Variants in MUC4 observed in about 807,000 individuals in gnomAD.
The protein encoded by MUC4 is mucin-4.
A neutral mutation model predicts 257.9 loss-of-function variants in MUC4; 202 were observed. That is an observed-to-expected ratio of 0.78 (90% CI 0.70 to 0.88). The LOEUF (loss-of-function observed/expected upper bound fraction) is 0.88. MUC4 is among the 40% of genes least tolerant of loss of function. The pLI is 0.00. For synonymous variants in MUC4, 2,351 were observed against 2,757.1 expected (o/e 0.85, Z 4.62); for missense variants, 5,976 against 6,513.7 (o/e 0.92, Z 2.84).
Position 195,791,197 on chromosome 3 carries a change from G to T in MUC4, c.383C>A (p.Thr128Asn), listed in dbSNP as rs770731161. 1 of 1,613,464 alleles carries T rather than the reference G, an allele frequency of 6.2e-7. No homozygotes were observed. The highest frequency in any genetic ancestry group is 8.5e-7 in the Non-Finnish European group (1 of 1,179,622). ...EMTTSFPSSV[T>N]NTLMMTSKTI... is the part of the protein sequence containing the mutation. ...CTTTGATGTCATCATGAGTGTGTTG[G>T]TGACACTGGAGGGAAATGATGTGGT... The change falls in exon 2 of 25, where the codon ACC becomes AAC. Residue 128 changes from threonine (T) to asparagine (N), a missense_variant. Transcript: ENST00000463781.
chr3:195,789,024 G>A lies in MUC4; in HGVS notation c.2556C>T (p.Ala852=). 1.9e-6 allele frequency: 3 copies of A among 1,613,868 alleles called. No homozygotes were observed. Among genetic ancestry groups the A allele is most frequent in the South Asian group, 1.1e-5 (1 of 91,080 alleles). Residue 852 remains alanine (A), a synonymous_variant, in exon 2 of 25, where the codon GCC becomes GCT. Transcript: ENST00000463781. ...QSTTELLSAS[A]SHGAIPVSTG... Reference sequence around the variant, plus strand: ...TGCTTACTGGGATGGCACCATGACTGGCTGAGGCGGACAGCAATTCGGTTG... The same window carrying A: ...TGCTTACTGGGATGGCACCATGACTAGCTGAGGCGGACAGCAATTCGGTTG...
chr3:195,767,603 T>C (rs868034173), intron 7 of MUC4, among the ~76,000 whole-genome samples: 80 of 42,394 alleles, frequency 1.9e-3, no homozygotes, highest in African/African-American at 2.7e-3. Flanking sequence ...ACCACCATCA[T>C]CACCATTGCC....
chr3:195,789,817 T>C lies in MUC4; in HGVS notation c.1763A>G (p.Gln588Arg), dbSNP rs1733631073. ...LLSSPSYSVT[Q>R]MIKTATSPSS... is the part of the protein sequence containing the mutation. ...TGGGGATGTGGCCGTTTTTATCATC[T>C]GAGTCACACTGTAGCTTGGGCTGCT... The change falls in exon 2 of 25, where the codon CAG becomes CGG. Residue 588 changes from glutamine to arginine, a missense_variant. Physicochemically the swap from Gln to Arg is conservative, Grantham distance 43. Transcript: ENST00000463781. 1 of 1,613,326 alleles carries C rather than the reference T, an allele frequency of 6.2e-7. No individual in the cohort carries two copies. The highest frequency in any genetic ancestry group is 1.1e-5 in the South Asian group (1 of 90,990).
Position 195,757,026 on chromosome 3 carries a change from C to G in MUC4, c.15168+121G>C. On this transcript the variant is annotated intron_variant, in intron 18 of 24. Coordinates refer to ENST00000463781, the MANE Select transcript of MUC4 (RefSeq NM_018406.7). This position sits in a 1 kb window ranked among gnomAD's most constrained non-coding sequence, Gnocchi z 4.8. ...ACTGGAATCTGCTCTACTCACCTAC[C>G]ACTGCTCCACCCATCTCCCAACACA... is the stretch of plus-strand genomic sequence containing the variant. 9.9e-7 allele frequency: 1 copy of G among 1,014,658 alleles called. No individual in the cohort carries two copies. Among genetic ancestry groups the G allele is most frequent in the Admixed American group, 2.3e-5 (1 of 43,684 alleles). 62.9% of individuals were successfully genotyped at this position (1,014,658 alleles called of 1,614,324 possible). A position where few individuals can be genotyped will look rare whatever the true frequency, so the allele number is the denominator to read the frequency against.
chr3:195,789,762 T>C lies in MUC4; in HGVS notation c.1818A>G (p.Thr606=). 6.2e-7 allele frequency: 1 copy of C among 1,613,996 alleles called. No individual in the cohort carries two copies. The change falls in exon 2 of 25, where the codon ACA becomes ACG. Residue 606 remains threonine (T), a synonymous_variant. Coordinates refer to ENST00000463781, the MANE Select transcript of MUC4 (RefSeq NM_018406.7). ...PSSSPMLDRH[T]SQQITTAPST... is the part of the protein sequence containing the mutation. ...ATGGTGCCGTTGTAATTTGTTGGGA[T>C]GTGTGTCTATCCAGCATAGGTGAAG...
In MUC4 at chr3:195,747,195, G is replaced by A. The variant is rs1378916430; in HGVS notation, c.16220C>T (p.Ser5407Leu). The A allele has an allele frequency of 6.2e-7, 1 of 1,614,156 alleles. No homozygotes were observed. The highest frequency in any genetic ancestry group is 8.5e-7 in the Non-Finnish European group (1 of 1,180,056). Reference protein sequence around the residue: ...SGARFSYFLNSAEALP With the variant: ...SGARFSYFLNLAEALP ...GCCCCTTCAAGGCAAGGCCTCAGCT[G>A]AGTTCAGGAAATAGGAGAACCTGGC... Residue 5407 changes from serine (S) to leucine (L), a missense_variant, in exon 25 of 25, where the codon TCA (serine) becomes TTA (leucine). Transcript: ENST00000463781.
At chr3:195,807,867 C>T (rs1243503940) in intron 1 of MUC4, among the ~76,000 whole-genome samples, 3 of 152,240 alleles carry the variant, frequency 2.0e-5, no homozygotes, top group Admixed American at 1.3e-4. Flanking sequence ...AAATCACTTG[C>T]GTGTCAAGCA....
Position 195,750,696 on chromosome 3 carries a change from C to T in MUC4, c.15871+193G>A, listed in dbSNP as rs572753397. 6.3e-3 allele frequency: 3,900 copies of T among 614,860 alleles called. 117 individuals are homozygous for T. The African/African-American group carries it at 0.065, about 10-fold the overall frequency. 38.1% of individuals were successfully genotyped at this position (614,860 alleles called of 1,614,324 possible). A position where few individuals can be genotyped will look rare whatever the true frequency, so the allele number is the denominator to read the frequency against. On this transcript the variant is annotated intron_variant, in intron 23 of 24. Transcript: ENST00000463781. ...GGTGCTTGCTCCGTGAAGCTGTATA[C>T]GTGTGACTGCCTCAGCAGTGCTGGC...
intron 1 of MUC4, among the ~76,000 whole-genome samples, chr3:195,804,663 G>A (rs1044914516): frequency 2.0e-5 from 3 of 152,262 alleles, no homozygotes; most frequent in South Asian, 4.1e-4. Flanking sequence ...GCCTCGGGCA[G>A]GGCAGTGTAA....
Position 195,786,370 on chromosome 3 carries a change from G to C in MUC4, c.5210C>G (p.Ala1737Gly). 6.6e-7 allele frequency: 1 copy of C among 1,522,134 alleles called. No homozygotes were observed. Among genetic ancestry groups the C allele is most frequent in the Non-Finnish European group, 8.9e-7 (1 of 1,129,086 alleles). The allele number at this position is 1,522,134 out of a possible 1,614,324, so 94.3% of individuals were successfully genotyped here. ...TPLPVTSPSS[A>G]STGHASPLLV... Reference sequence around the variant, plus strand: ...AAGAGGGCTGGCGTGACCTGTGGATGCTGAGGAAGGGCTAGTGACAGGAAG... The same window carrying C: ...AAGAGGGCTGGCGTGACCTGTGGATCCTGAGGAAGGGCTAGTGACAGGAAG... Residue 1737 changes from alanine (A) to glycine (G), a missense_variant, in exon 2 of 25, where the codon GCA (alanine) becomes GGA (glycine). Coordinates refer to ENST00000463781, the MANE Select transcript of MUC4 (RefSeq NM_018406.7).
rs200929723 is a variant in MUC4, at chr3:195,789,240, C to T, written c.2340G>A (p.Glu780=). The change falls in exon 2 of 25, where the codon GAG becomes GAA. Residue 780 remains glutamate (E), a synonymous_variant. Transcript: ENST00000463781. The stretch of plus-strand genomic sequence containing the variant: ...CGCTGGTCTGTGTTTGTCCAGAGGC[C>T]TCTGTGCTCTCAGCCTGGTGGGTAT... ...MTHTHQAEST[E]ASGQTQTSEP... 1.7e-4 allele frequency: 279 copies of T among 1,613,756 alleles called. No individual in the cohort carries two copies. Among genetic ancestry groups the T allele is most frequent in the Non-Finnish European group, 8.7e-5 (103 of 1,179,856 alleles).
intron 3 of MUC4, among the ~76,000 whole-genome samples, chr3:195,775,964 C>A (rs1424497236): frequency 1.7e-4 from 5 of 29,662 alleles, no homozygotes; most frequent in African/African-American, 9.3e-4. Flanking sequence ...ACCTTCCACA[C>A]CCATACCTTC....
chr3:195,790,285 TC>T lies in MUC4; in HGVS notation c.1294del (p.Asp432ThrfsTer108). 6.2e-7 allele frequency: 1 copy of T among 1,613,998 alleles called. No individual in the cohort carries two copies. The highest frequency in any genetic ancestry group is 8.5e-7 in the Non-Finnish European group (1 of 1,179,884). ...GGGGGAGAGTGCTGTTGACAGAGTGTCTGACCACCATATGGTTGAAACTTTG... is the reference window on the plus strand; with the variant it reads ...GGGGGAGAGTGCTGTTGACAGAGTGTTGACCACCATATGGTTGAAACTTTG... The part of the protein sequence containing the change: ...TSKVSTIWWS[D>X]TLSTALSPSS... On this transcript the variant is annotated frameshift_variant, in exon 2 of 25. Coordinates refer to ENST00000463781, the MANE Select transcript of MUC4 (RefSeq NM_018406.7). LOFTEE classifies it high-confidence loss of function.
At position 195,762,196 on chromosome 3, in the gene MUC4, C is replaced by T. The variant is rs2246980; in HGVS notation, c.14403G>A (p.Ser4801=). Reference sequence around the variant, plus strand: ...CGGTGGCCCAGCCGTCGAAGCTGGCCGAGACCTCAGAGCCGTTGCGGCTCA... The same window carrying T: ...CGGTGGCCCAGCCGTCGAAGCTGGCTGAGACCTCAGAGCCGTTGCGGCTCA... The part of the protein sequence containing the change: ...VLLSRNGSEV[S]ASFDGWATVS... Residue 4801 remains serine (S), a synonymous_variant, in exon 14 of 25, where the codon TCG becomes TCA. Transcript: ENST00000463781. The T allele has an allele frequency of 2.6e-4, 409 of 1,599,432 alleles. No homozygotes were observed. The highest frequency in any genetic ancestry group is 3.4e-4 in the Non-Finnish European group (402 of 1,173,310).
In MUC4 at chr3:195,780,447, G is replaced by A. The variant is rs772491629; in HGVS notation, c.11133C>T (p.Thr3711=). The A allele has an allele frequency of 6.5e-7, 1 of 1,532,970 alleles. No homozygotes were observed. Among genetic ancestry groups the A allele is most frequent in the Non-Finnish European group, 8.8e-7 (1 of 1,142,412 alleles). The allele number at this position is 1,532,970 out of a possible 1,614,324, so 95.0% of individuals were successfully genotyped here. Residue 3711 remains threonine, a synonymous_variant, in exon 2 of 25, where the codon ACC becomes ACT. Transcript: ENST00000463781. ...AGGAAGTGCTGGTGACAGGAAGAGG[G>A]GTGGTGTGACCTGAGGATGATGAGG... ...IPSSSSSGHT[T]PLPVTSTSSV...
chr3:195,750,490 G>A (rs1428970477), intron 23 of MUC4: 3 of 291,704 alleles, frequency 1.0e-5, no homozygotes, highest in Non-Finnish European at 2.0e-5. Flanking sequence ...GGGAGTAGTT[G>A]CCTCTGTCCC....
At chr3:195,766,483 G>T (rs1191467585) in intron 8 of MUC4, among the ~76,000 whole-genome samples, 180 bp downstream of exon 8, 1 of 152,178 alleles carries the variant, frequency 6.6e-6, no homozygotes, top group Non-Finnish European at 1.5e-5. Flanking sequence ...GGAGGTGCCA[G>T]CTGCTCCCTG....
intron 1 of MUC4, among the ~76,000 whole-genome samples, chr3:195,801,185 C>T (rs569692586): frequency 6.6e-6 from 1 of 152,308 alleles, no homozygotes; most frequent in East Asian, 1.9e-4. Context: ...TTGGCTCTCA[C>T]CAGGATGCAA....
rs1387585363 is a variant in MUC4 at position 195,811,731 on chromosome 3, C to T, written c.82+5G>A. 6.2e-7 allele frequency: 1 copy of T among 1,613,884 alleles called. No homozygotes were observed. Among genetic ancestry groups the T allele is most frequent in the South Asian group, 1.1e-5 (1 of 91,058 alleles). ...CCAGCCTCATCTGCTGTCTCCATCA[C>T]TTACCTGGGACCACATGCGGAAGGA... On this transcript the variant is annotated splice_donor_5th_base_variant and intron_variant, in intron 1 of 24. Coordinates refer to ENST00000463781, the MANE Select transcript of MUC4 (RefSeq NM_018406.7).
Sources: allele counts gnomAD v4.1 joint callset (sites outside exome capture counted in the v4.1 genomes callset), GRCh38; gene constraint gnomAD v4.1.1; non-coding constraint Gnocchi (gnomAD v3.1); transcripts MANE v1.5; gene names NCBI Gene and HGNC (gene_info 2026-07-23, HGNC 2026-07-21).